LRRC9: variants seen among roughly 807,000 people sequenced by gnomAD.
LRRC9 encodes the protein leucine rich repeat containing 9.
A neutral mutation model predicts 63.2 loss-of-function variants in LRRC9; 122 were observed. The ratio of observed to expected loss-of-function variants is 1.93; its 90% CI spans 1.67 to 2.24. The LOEUF (loss-of-function observed/expected upper bound fraction) is 2.24, where lower values mean the gene tolerates loss of function less well. Among genes scored for constraint, LRRC9 ranks in the 30% most tolerant of loss-of-function variants. LRRC9 has a pLI of 0.00. For synonymous variants in LRRC9, 366 were observed against 213.1 expected (o/e 1.72, Z -6.25); for missense variants, 1,071 against 627.7 (o/e 1.71, Z -7.55).
intron 1 of LRRC9, among the ~76,000 whole-genome samples, chr14:59,925,925 T>C (rs2139752369): frequency 6.6e-6 from 1 of 152,320 alleles, no homozygotes; most frequent in South Asian, 2.1e-4. Flanking sequence ...GTTTCCCCCA[T>C]GTGTTCTTGT....
intron 15 of LRRC9, among the ~76,000 whole-genome samples, chr14:59,979,980 A>G (rs141197957): frequency 1.1e-4 from 16 of 150,946 alleles, no homozygotes; most frequent in African/African-American, 3.9e-4. Context: ...TAATAAAATT[A>G]AAAAAAAGAA....
At chr14:60,009,970 C>T (rs1890128869) in intron 23 of LRRC9, among the ~76,000 whole-genome samples, 1 of 152,256 alleles carries the variant, frequency 6.6e-6, no homozygotes, top group South Asian at 2.1e-4. Context: ...GGCAGCTCCA[C>T]TCCTGTGGCT....
At chr14:59,951,715 C>T (rs1883141427) in intron 8 of LRRC9, among the ~76,000 whole-genome samples, 1 of 150,938 alleles carries the variant, frequency 6.6e-6, no homozygotes, top group Admixed American at 6.6e-5. Context: ...TTCCTTCTAA[C>T]AGACAGGACC....
At position 59,923,220 on chromosome 14, in the gene LRRC9, A is replaced by C. The variant is rs2139737239; in HGVS notation, c.-34+3337A>C. Among the ~76,000 whole-genome samples, 1 of 152,382 alleles carries C rather than the reference A, an allele frequency of 6.6e-6. No individual in the cohort carries two copies. Among genetic ancestry groups the C allele is most frequent in the African/African-American group, 2.4e-5 (1 of 41,604 alleles). ...GGAAGGCCTAGCATCCTTGTGATTCAGAAATAGTTATACAACTTATAGAAT... is the reference window on the plus strand; with the variant it reads ...GGAAGGCCTAGCATCCTTGTGATTCCGAAATAGTTATACAACTTATAGAAT... On this transcript the variant is annotated intron_variant, in intron 1 of 31. Coordinates refer to ENST00000445360, the Ensembl canonical transcript of LRRC9. The surrounding 1 kb of genome is among the most constrained non-coding windows in gnomAD (Gnocchi z 4.2).
intron 16 of LRRC9, among the ~76,000 whole-genome samples, chr14:59,984,592 G>A (rs1871127173): frequency 6.6e-6 from 1 of 152,150 alleles, no homozygotes. Flanking sequence ...TCTGATGTAG[G>A]TGTTGTCTTA....
intron 7 of LRRC9, among the ~76,000 whole-genome samples, chr14:59,940,211 C>T (rs1410272958): frequency 6.6e-6 from 1 of 151,986 alleles, no homozygotes; most frequent in Non-Finnish European, 1.5e-5. Flanking sequence ...ATTTTCTTAT[C>T]GTAAAATATT....
At chr14:60,032,620 C>A (rs75371234) in intron 29 of LRRC9, among the ~76,000 whole-genome samples, 1 of 151,980 alleles carries the variant, frequency 6.6e-6, no homozygotes, top group South Asian at 2.1e-4. Context: ...CCTTGTTCAC[C>A]CAATTTCTAA....
At position 60,053,023 on chromosome 14, in the gene LRRC9, A is replaced by G; in HGVS notation, c.3991-42A>G. On this transcript the variant is annotated intron_variant, in intron 29 of 31. Transcript: ENST00000445360. This position sits in a 1 kb window ranked among gnomAD's most constrained non-coding sequence, Gnocchi z 4.8. ...TCTATACAGGTTAATCTTTGAAATA[A>G]AAGTTTTGTAGGAATAAATTGTTAT... 1 of 677,456 alleles carries G rather than the reference A, an allele frequency of 1.5e-6. No individual in the cohort carries two copies. The highest frequency in any genetic ancestry group is 2.1e-5 in the Admixed American group (1 of 46,940). The allele number at this position is 677,456 out of a possible 1,614,324, so 42.0% of individuals were successfully genotyped here.
intron 20 of LRRC9, among the ~76,000 whole-genome samples, chr14:60,002,930 G>T (rs908019273): frequency 6.6e-6 from 1 of 152,166 alleles, no homozygotes; most frequent in African/African-American, 2.4e-5. Flanking sequence ...ATCCTGACAA[G>T]GGAGTAGGGG....
chr14:59,991,674 G>A (rs533363024), intron 17 of LRRC9, among the ~76,000 whole-genome samples: 148 of 152,238 alleles, frequency 9.7e-4, no homozygotes, highest in African/African-American at 3.3e-3. Context: ...ATTATATCCC[G>A]CGCATAGCTC....
rs140376002 is a variant in LRRC9 at position 59,932,107 on chromosome 14, C to T, written c.543+68C>T. 4.1e-4 allele frequency: 273 copies of T among 663,602 alleles called. No individual in the cohort carries two copies. The highest frequency in any genetic ancestry group is 3.3e-3 in the African/African-American group (183 of 55,200). The allele number at this position is 663,602 out of a possible 1,614,324, so 41.1% of individuals were successfully genotyped here. ...ATCATGAACCATTGTGTTGCAGAAA[C>T]TGTACTAAAAAGTCCCCCATTAAGG... is the stretch of plus-strand genomic sequence containing the variant. On this transcript the variant is annotated intron_variant, in intron 6 of 31. Coordinates refer to ENST00000445360, the Ensembl canonical transcript of LRRC9. The surrounding 1 kb of genome is among the most constrained non-coding windows in gnomAD (Gnocchi z 4.7).
chr14:60,059,058 T>C (rs1396052273), intron 31 of LRRC9: 1 of 152,218 alleles, frequency 6.6e-6, no homozygotes, highest in Non-Finnish European at 1.5e-5. Flanking sequence ...ATTTTTTTAT[T>C]AGTTTAACCC....
intron 8 of LRRC9, among the ~76,000 whole-genome samples, chr14:59,946,503 T>A (rs558927321): frequency 6.7e-6 from 1 of 150,138 alleles, no homozygotes; most frequent in African/African-American, 2.5e-5. Context: ...TTTTTTTTTG[T>A]CTTTTTTTTT....
In LRRC9 at chr14:59,936,084, A is replaced by C. The variant is rs1452124004; in HGVS notation, c.544-2306A>C. Among the ~76,000 whole-genome samples, 3 of 152,196 alleles carry C rather than the reference A, an allele frequency of 2.0e-5. No individual in the cohort carries two copies. Among genetic ancestry groups the C allele is most frequent in the South Asian group, 2.1e-4 (1 of 4,832 alleles). ...GAACATGAAGTTTTGGTGAAATAAC[A>C]ATGTAAAGTACCTAAATAGTGACCA... On this transcript the variant is annotated intron_variant, in intron 6 of 31. Coordinates refer to ENST00000445360, the Ensembl canonical transcript of LRRC9. This position sits in a 1 kb window ranked among gnomAD's most constrained non-coding sequence, Gnocchi z 4.2.
chr14:60,022,474 AT>A (rs1244864126), intron 26 of LRRC9, among the ~76,000 whole-genome samples: 1 of 151,500 alleles, frequency 6.6e-6, no homozygotes, highest in South Asian at 2.1e-4. Context: ...ATCTGGATGC[AT>A]TTTTTTCTTG....
chr14:59,928,469 G>A (rs1466953436), exon 3 of LRRC9: 4 of 687,706 alleles, frequency 5.8e-6, no homozygotes, highest in Non-Finnish European at 1.1e-5. Context: ...ACTTTGGATT[G>A]CTGAGTGCTG....
At chr14:59,999,655 G>A (rs954122707) in intron 19 of LRRC9, among the ~76,000 whole-genome samples, 10 of 151,902 alleles carry the variant, frequency 6.6e-5, no homozygotes, top group African/African-American at 1.9e-4. Flanking sequence ...TGGAAGGAGG[G>A]GAAATACCTT....
At chr14:59,975,470 C>G (rs779673597) in intron 13 of LRRC9, among the ~76,000 whole-genome samples, 2 of 151,856 alleles carry the variant, frequency 1.3e-5, no homozygotes, top group Non-Finnish European at 2.9e-5. Flanking sequence ...TATAAGTACA[C>G]AAACCAATTT....
At chr14:59,954,645 C>T (rs1023796349) in intron 8 of LRRC9, among the ~76,000 whole-genome samples, 1 of 152,156 alleles carries the variant, frequency 6.6e-6, no homozygotes, top group Non-Finnish European at 1.5e-5. Context: ...TTTGAATACA[C>T]TTTATTTTTT....
Sources: allele counts gnomAD v4.1 joint callset (sites outside exome capture counted in the v4.1 genomes callset), GRCh38; gene constraint gnomAD v4.1.1; non-coding constraint Gnocchi (gnomAD v3.1); transcripts MANE v1.5; gene names NCBI Gene and HGNC (gene_info 2026-07-23, HGNC 2026-07-21).